NCOA2: variants seen among roughly 807,000 people sequenced by gnomAD.
The protein encoded by NCOA2 is class E basic helix-loop-helix protein 75.
In NCOA2, 21 loss-of-function variants were observed where a neutral mutation model predicts 145.1. The observed-to-expected ratio is 0.14, with a 90% CI of 0.10 to 0.21. NCOA2 has a LOEUF of 0.21. NCOA2 is among the 10% of genes least tolerant of loss of function. The probability of loss-of-function intolerance (pLI) is 1.00; values close to 1 mark genes in which losing one functional copy is unlikely to be tolerated. For synonymous variants in NCOA2, 619 were observed against 637.5 expected (o/e 0.97, Z 0.44); for missense variants, 1,472 against 1,837.6 (o/e 0.80, Z 3.64).
chr8:70,143,119 T>A (rs556985678), intron 13 of NCOA2, among the ~76,000 whole-genome samples: 1 of 152,204 alleles, frequency 6.6e-6, no homozygotes, highest in East Asian at 1.9e-4. Context: ...CCATTTAATT[T>A]TTGTATTTTT....
intron 2 of NCOA2, among the ~76,000 whole-genome samples, chr8:70,286,823 C>T (rs1339070867): frequency 1.3e-5 from 2 of 151,860 alleles, no homozygotes; most frequent in East Asian, 3.8e-4. Context: ...AAACAAAACC[C>T]GGGGAAATCT....
intron 1 of NCOA2, among the ~76,000 whole-genome samples, chr8:70,343,533 C>T (rs1808331292): frequency 6.6e-6 from 1 of 151,956 alleles, no homozygotes; most frequent in Admixed American, 6.6e-5. Context: ...GAAGGCCGGA[C>T]ACAGTGGCTC....
chr8:70,318,964 T>C (rs555069015), intron 1 of NCOA2, among the ~76,000 whole-genome samples: 261 of 152,322 alleles, frequency 1.7e-3, no homozygotes, highest in Admixed American at 8.2e-3. Flanking sequence ...ACAGTCTCTA[T>C]ACCATTGACC....
At chr8:70,354,482 T>C (rs987043439) in intron 1 of NCOA2, among the ~76,000 whole-genome samples, 1 of 152,210 alleles carries the variant, frequency 6.6e-6, no homozygotes, top group Non-Finnish European at 1.5e-5. Context: ...GCAAACATTC[T>C]CTAGAAAACA....
intron 21 of NCOA2, 121 bp downstream of exon 21, chr8:70,123,762 TC>T: frequency 1.4e-6 from 1 of 729,826 alleles, no homozygotes. Context: ...TGAAAAACAC[TC>T]CTCAAAGTAA....
At chr8:70,206,313 T>G (rs1291504055) in intron 4 of NCOA2, among the ~76,000 whole-genome samples, 1 of 152,238 alleles carries the variant, frequency 6.6e-6, no homozygotes, top group Non-Finnish European at 1.5e-5. Flanking sequence ...TGTGAGTCTC[T>G]CTCACTGTCT....
chr8:70,422,469 C>T, the NCOA2 span, among the ~76,000 whole-genome samples: 1 of 151,302 alleles, frequency 6.6e-6, no homozygotes, highest in East Asian at 1.9e-4. Flanking sequence ...GGAGTGAAGT[C>T]GTGCAATCTC....
chr8:70,339,359 G>C (rs1362036537), intron 1 of NCOA2, among the ~76,000 whole-genome samples: 2 of 151,856 alleles, frequency 1.3e-5, no homozygotes, highest in Non-Finnish European at 2.9e-5. Flanking sequence ...AAAATACCTA[G>C]GAATACAGCT....
At chr8:70,424,434 C>T in the NCOA2 span, 1 of 476,180 alleles carries the variant, frequency 2.1e-6, no homozygotes. Context: ...AGGTTAGTGT[C>T]TGCTTTCTCA....
intron 1 of NCOA2, among the ~76,000 whole-genome samples, chr8:70,358,445 C>A (rs893244484): frequency 2.6e-5 from 4 of 152,116 alleles, no homozygotes; most frequent in African/African-American, 9.7e-5. Flanking sequence ...AATGCAGAGT[C>A]CAGAAATACA....
At chr8:70,363,037 C>T (rs984170210) in intron 1 of NCOA2, among the ~76,000 whole-genome samples, 9 of 146,440 alleles carry the variant, frequency 6.1e-5, no homozygotes, top group African/African-American at 2.3e-4. Context: ...TGTGATCCTG[C>T]CACTGCATTC....
At chr8:70,306,810 T>C (rs527711809) in intron 1 of NCOA2, among the ~76,000 whole-genome samples, 11 of 152,008 alleles carry the variant, frequency 7.2e-5, no homozygotes, top group Non-Finnish European at 1.5e-4. Context: ...GCCTGGGAGG[T>C]TGAAGCTGCA....
the NCOA2 span, among the ~76,000 whole-genome samples, chr8:70,410,038 C>T: frequency 5.9e-5 from 9 of 152,120 alleles, 1 homozygote; most frequent in Middle Eastern, 3.4e-3. Flanking sequence ...GATGAAATCC[C>T]GTCTCTACTA....
intron 11 of NCOA2, among the ~76,000 whole-genome samples, chr8:70,152,315 C>G (rs1298667178): frequency 6.6e-6 from 1 of 152,142 alleles, no homozygotes; most frequent in Non-Finnish European, 1.5e-5. Flanking sequence ...ATAAAAAGCA[C>G]AAGCATTTAA....
At chr8:70,210,230 G>C (rs921109619) in intron 4 of NCOA2, among the ~76,000 whole-genome samples, 2 of 152,148 alleles carry the variant, frequency 1.3e-5, no homozygotes, top group Non-Finnish European at 2.9e-5. Context: ...GTACGAAATA[G>C]GTTATCAAAT....
the NCOA2 span, among the ~76,000 whole-genome samples, chr8:70,417,404 T>G: frequency 6.6e-6 from 1 of 151,616 alleles, no homozygotes; most frequent in Non-Finnish European, 1.5e-5. Context: ...CAAAAATTTG[T>G]CAGGCATGGT....
At chr8:70,349,433 T>C (rs1808972533) in intron 1 of NCOA2, among the ~76,000 whole-genome samples, 1 of 152,170 alleles carries the variant, frequency 6.6e-6, no homozygotes, top group South Asian at 2.1e-4. Context: ...TAAAAATCTA[T>C]GAATTTTTAC....
chr8:70,260,455 C>T (rs1350368524), intron 2 of NCOA2, among the ~76,000 whole-genome samples: 28 of 152,124 alleles, frequency 1.8e-4, no homozygotes, highest in Admixed American at 1.8e-3. Flanking sequence ...TCTTTAACAT[C>T]TCAAATGTAT....
rs1159028405 is a variant in NCOA2 at position 70,156,825 on chromosome 8, G to A, written c.1540C>T (p.His514Tyr). ...PSQFSPAGSL[H>Y]SPVGVCSSTG... ...CTGCTGCAAACTCCCACAGGGGAAT[G>A]CAAGCTTCCTGCAGGGGAAAACTGA... The change falls in exon 11 of 23, where the codon CAT becomes TAT. Residue 514 changes from histidine to tyrosine, a missense_variant. Physicochemically the swap from His to Tyr is moderately conservative, Grantham distance 83. This residue lies in a region of NCOA2 where 953 missense variants were observed against 1,062.1 expected (regional missense o/e 0.90). Transcript: ENST00000452400. 2.5e-6 allele frequency: 4 copies of A among 1,613,904 alleles called. No homozygotes were observed. Among genetic ancestry groups the A allele is most frequent in the East Asian group, 2.2e-5 (1 of 44,892 alleles).
Sources: allele counts gnomAD v4.1 joint callset (sites outside exome capture counted in the v4.1 genomes callset), GRCh38; gene constraint gnomAD v4.1.1; regional missense constraint gnomAD v4.1.1; transcripts MANE v1.5; gene names NCBI Gene and HGNC (gene_info 2026-07-23, HGNC 2026-07-21).